The following RABAC1 variants were observed in gnomAD, a reference collection of about 807,000 sequenced individuals.
The protein encoded by RABAC1 is Rab acceptor 1.
RABAC1 carries 16 observed loss-of-function variants against 22.9 expected under a neutral mutation model. The ratio of observed to expected loss-of-function variants is 0.70; its 90% CI spans 0.47 to 1.06. RABAC1 has a LOEUF of 1.06. RABAC1 is among the 50% of genes least tolerant of loss of function. RABAC1 has a pLI of 0.00. For synonymous variants in RABAC1, 139 were observed against 107.7 expected, an observed-to-expected ratio of 1.29 and a Z score of -1.80; for missense variants, 227 against 246.5, an observed-to-expected ratio of 0.92 and a Z score of 0.53.
rs2075005621 is a variant in RABAC1, at chr19:41,959,311, A to G, written c.-19T>C. 1.2e-6 allele frequency: 2 copies of G among 1,613,356 alleles called. No homozygotes were observed. The highest frequency in any genetic ancestry group is 1.7e-5 in the Admixed American group (1 of 59,994). ...CTGCCATGTCTGCGTCGTGAGGGGT[A>G]GAGCTGCTGTAACCAGCCCGGTACC... On this transcript the variant is annotated 5_prime_UTR_variant, in exon 1 of 5. Transcript: ENST00000222008.
intron 3 of RABAC1, chr19:41,957,585 G>A (rs1159539975): frequency 6.1e-6 from 1 of 164,430 alleles, no homozygotes; most frequent in Non-Finnish European, 1.3e-5. Flanking sequence ...CTCAGGGATG[G>A]GGTCTACATG....
At chr19:41,959,083 G>T (rs2075003892) in intron 1 of RABAC1, 135 bp from the exon 2 acceptor site, 1 of 1,336,908 alleles carries the variant, frequency 7.5e-7, no homozygotes, top group African/African-American at 1.5e-5. Flanking sequence ...GGGGACTAGG[G>T]GCCCAGACTC....
Position 41,956,800 on chromosome 19 carries a change from G to C in RABAC1, c.*46C>G. The C allele has an allele frequency of 6.5e-7, 1 of 1,539,960 alleles. No individual in the cohort carries two copies. The highest frequency in any genetic ancestry group is 1.2e-5 in the South Asian group (1 of 83,172). On this transcript the variant is annotated 3_prime_UTR_variant, in exon 5 of 5. Transcript: ENST00000222008. ...AGCCGTGCAGGACAGGCATGGGCAG[G>C]GGTGGGGCAGCTGGCCCGGGAGGCC...
chr19:41,958,735 C>T lies in RABAC1; in HGVS notation c.269+1G>A. On this transcript the variant is annotated splice_donor_variant, in intron 2 of 4. Transcript: ENST00000222008. LOFTEE classifies it high-confidence loss of function. Reference sequence around the variant, plus strand: ...GGGTGCGGGGCCCGGGAGGCACTCACACACAGTACAGGATGAGGCCCAGGA... The same window carrying T: ...GGGTGCGGGGCCCGGGAGGCACTCATACACAGTACAGGATGAGGCCCAGGA... 1 of 1,612,016 alleles carries T rather than the reference C, an allele frequency of 6.2e-7. No homozygotes were observed. Among genetic ancestry groups the T allele is most frequent in the East Asian group, 2.2e-5 (1 of 44,788 alleles).
Position 41,957,081 on chromosome 19 carries a change from C to T in RABAC1, c.406G>A (p.Gly136Arg). 4 of 1,613,852 alleles carry T rather than the reference C, an allele frequency of 2.5e-6. No homozygotes were observed. Among genetic ancestry groups the T allele is most frequent in the Non-Finnish European group, 3.4e-6 (4 of 1,180,020 alleles). ...CAGAAGAAGGGGAAGGAGATGCCTC[C>T]AGCCAGAGCATACTGATGCGCTGGG... ...VSPAHQYALA[G>R]GISFPFFWLA... Residue 136 changes from glycine to arginine, a missense_variant, in exon 4 of 5, where the codon GGA (glycine) becomes AGA (arginine). Coordinates refer to ENST00000222008, the MANE Select transcript of RABAC1 (RefSeq NM_006423.3).
chr19:41,958,630 G>T, intron 2 of RABAC1, 106 bp downstream of exon 2: 1 of 1,254,824 alleles, frequency 8.0e-7, no homozygotes, highest in Non-Finnish European at 1.1e-6. Context: ...GAGGGCCCTG[G>T]GCGGTGAGAG....
chr19:41,958,476 C>T, intron 2 of RABAC1, 93 bp from the exon 3 acceptor site: 2 of 1,240,406 alleles, frequency 1.6e-6, no homozygotes, highest in South Asian at 1.3e-5. Flanking sequence ...CGGCAAGCTA[C>T]ATCCTGGAGA....
At position 41,956,842 on chromosome 19, in the gene RABAC1, C is replaced by T; in HGVS notation, c.*4G>A. ...CGGGAGGCCGGCAGGTCCCAGAAGA[C>T]ACCTCACACGGGTTCCATCTGCAGC... On this transcript the variant is annotated 3_prime_UTR_variant, in exon 5 of 5. Transcript: ENST00000222008. 2 of 1,606,456 alleles carry T rather than the reference C, an allele frequency of 1.2e-6. No individual in the cohort carries two copies. The highest frequency in any genetic ancestry group is 1.7e-6 in the Non-Finnish European group (2 of 1,175,974).
rs781809313 is a variant in RABAC1, at chr19:41,956,816, C to T, written c.*30G>A. On this transcript the variant is annotated 3_prime_UTR_variant, in exon 5 of 5. Coordinates refer to ENST00000222008, the MANE Select transcript of RABAC1 (RefSeq NM_006423.3). ...CATGGGCAGGGGTGGGGCAGCTGGCCCGGGAGGCCGGCAGGTCCCAGAAGA... is the reference window on the plus strand; with the variant it reads ...CATGGGCAGGGGTGGGGCAGCTGGCTCGGGAGGCCGGCAGGTCCCAGAAGA... 6.3e-7 allele frequency: 1 copy of T among 1,577,444 alleles called. No homozygotes were observed. Among genetic ancestry groups the T allele is most frequent in the East Asian group, 2.3e-5 (1 of 44,318 alleles).
rs781799833 is a variant in RABAC1, at chr19:41,958,885, C to T, written c.120G>A (p.Ala40=). The change falls in exon 2 of 5, where the codon GCG becomes GCA. Residue 40 remains alanine (A), a synonymous_variant. Transcript: ENST00000222008. ...AGREWLERRR[A]TIRPWSTFVD... is the part of the protein sequence containing the mutation. ...CGAAGGTGCTCCAGGGCCGGATGGT[C>T]GCGCGGCGCCGCTCCAGCCACTCCC... The T allele has an allele frequency of 6.3e-6, 10 of 1,596,094 alleles. No homozygotes were observed. Among genetic ancestry groups the T allele is most frequent in the South Asian group, 1.1e-5 (1 of 89,978 alleles).
Position 41,958,937 on chromosome 19 carries a change from G to C in RABAC1, c.68C>G (p.Pro23Arg), listed in dbSNP as rs377187076. The C allele has an allele frequency of 1.3e-5, 21 of 1,578,326 alleles. 1 individual carries two copies. The highest frequency in any genetic ancestry group is 9.1e-5 in the South Asian group (8 of 88,126). ...GCCTGCACCGGAGGGAATCAGCTTC[G>C]GCAGCAGGGTCCTGCGGGGGGTGGG... Reference protein sequence around the residue: ...AEGLSGTTLLPKLIPSGAGRE... With the variant: ...AEGLSGTTLLRKLIPSGAGRE... Residue 23 changes from proline (P) to arginine (R), a missense_variant, in exon 2 of 5, where the codon CCG becomes CGG. Physicochemically the swap from Pro to Arg is moderately radical, Grantham distance 103. Coordinates refer to ENST00000222008, the MANE Select transcript of RABAC1 (RefSeq NM_006423.3).
chr19:41,957,178 C>T (rs1760029700), intron 3 of RABAC1, 59 bp from the exon 4 acceptor site: 7 of 1,361,466 alleles, frequency 5.1e-6, no homozygotes, highest in Non-Finnish European at 7.3e-6. Flanking sequence ...CCCAGAGTAA[C>T]CCCTGCTGCC....
intron 2 of RABAC1, 24 bp downstream of exon 2, chr19:41,958,712 G>A (rs781791524): frequency 7.1e-5 from 114 of 1,602,646 alleles, no homozygotes; most frequent in Non-Finnish European, 9.0e-5. Context: ...GCTAGTGCGG[G>A]TGCGGGGCCC....
intron 1 of RABAC1, 57 bp from the exon 2 acceptor site, chr19:41,959,005 A>C: frequency 6.7e-7 from 1 of 1,482,518 alleles, no homozygotes; most frequent in Non-Finnish European, 9.0e-7. Context: ...AGACCCCCGC[A>C]AAAGAAGGGG....
intron 3 of RABAC1, 38 bp downstream of exon 3, chr19:41,958,248 G>C: frequency 6.4e-7 from 1 of 1,564,938 alleles, no homozygotes; most frequent in Non-Finnish European, 8.7e-7. Flanking sequence ...ACCAAGATTT[G>C]AGGGACCAAG....
At chr19:41,959,012 G>A in intron 1 of RABAC1, 64 bp from the exon 2 acceptor site, 1 of 1,456,200 alleles carries the variant, frequency 6.9e-7, no homozygotes, top group South Asian at 1.3e-5. Flanking sequence ...CGCAAAAGAA[G>A]GGGACTAAGG....
In RABAC1 at chr19:41,958,910, C is replaced by T. The variant is rs778195060; in HGVS notation, c.95G>A (p.Arg32Gln). The part of the protein sequence containing the change: ...LPKLIPSGAG[R>Q]EWLERRRATI... ...CGCGCGGCGCCGCTCCAGCCACTCCCGGCCTGCACCGGAGGGAATCAGCTT... is the reference window on the plus strand; with the variant it reads ...CGCGCGGCGCCGCTCCAGCCACTCCTGGCCTGCACCGGAGGGAATCAGCTT... The change falls in exon 2 of 5, where the codon CGG (arginine) becomes CAG (glutamine). Residue 32 changes from arginine (R) to glutamine (Q), a missense_variant. By Grantham distance (43) the Arg-to-Gln change is conservative. Coordinates refer to ENST00000222008, the MANE Select transcript of RABAC1 (RefSeq NM_006423.3). The T allele has an allele frequency of 6.8e-5, 108 of 1,592,502 alleles. No individual in the cohort carries two copies. Among genetic ancestry groups the T allele is most frequent in the Non-Finnish European group, 8.8e-5 (103 of 1,173,674 alleles).
At position 41,957,037 on chromosome 19, in the gene RABAC1, C is replaced by T. The variant is rs147767388; in HGVS notation, c.450G>A (p.Ser150=). 7.9e-5 allele frequency: 128 copies of T among 1,613,656 alleles called. No individual in the cohort carries two copies. The highest frequency in any genetic ancestry group is 4.0e-4 in the African/African-American group (30 of 74,910). Residue 150 remains serine, a synonymous_variant, in exon 4 of 5, where the codon TCG becomes TCA. Coordinates refer to ENST00000222008, the MANE Select transcript of RABAC1 (RefSeq NM_006423.3). The part of the protein sequence containing the change: ...FPFFWLAGAG[S]AVFWVLGATL... ...ACTCACCCAGCACCCAGAAGACGGC[C>T]GAGCCCGCACCAGCCAGCCAGAAGA...
At chr19:41,958,410 G>T in intron 2 of RABAC1, 27 bp from the exon 3 acceptor site, 1 of 1,597,764 alleles carries the variant, frequency 6.3e-7, no homozygotes, top group Non-Finnish European at 8.6e-7. Flanking sequence ...GGGAGGCAGC[G>T]GTTAGACAGC....
Sources: gnomAD v4.1 joint callset for allele counts on GRCh38, gnomAD v4.1.1 for gene constraint, MANE v1.5 for transcripts, NCBI Gene and HGNC (gene_info 2026-07-23, HGNC 2026-07-21) for gene names.